BTBD9: variants seen among roughly 807,000 people sequenced by gnomAD.
BTBD9 encodes BTB domain containing 9.
BTBD9 carries 49 observed loss-of-function variants against 64.3 expected under a neutral mutation model. The ratio of observed to expected loss-of-function variants is 0.76; its 90% confidence interval spans 0.61 to 0.97. The LOEUF is 0.97. Ranked by LOEUF, BTBD9 falls within the 50% of genes least tolerant of loss-of-function variation. BTBD9 has a pLI of 0.00. For synonymous variants in BTBD9, 260 were observed against 274.7 expected, an observed-to-expected ratio of 0.95 and a Z score of 0.53; for missense variants, 598 against 762.1, an observed-to-expected ratio of 0.78 and a Z score of 2.53.
At chr6:38,389,999 C>T (rs746846214) in intron 6 of BTBD9, among the ~76,000 whole-genome samples, 8 of 152,186 alleles carry the variant, frequency 5.3e-5, no homozygotes, top group Non-Finnish European at 1.0e-4. Flanking sequence ...TTATAAAATA[C>T]GAGGTTATAG....
intron 6 of BTBD9, among the ~76,000 whole-genome samples, chr6:38,525,875 C>T (rs1029596285): frequency 4.6e-5 from 7 of 152,100 alleles, no homozygotes; most frequent in African/African-American, 1.2e-4. Context: ...AAAAGATTAT[C>T]TGAAACTGGA....
chr6:38,235,162 A>T (rs1384751237), intron 9 of BTBD9, among the ~76,000 whole-genome samples: 1 of 152,182 alleles, frequency 6.6e-6, no homozygotes, highest in Non-Finnish European at 1.5e-5. Context: ...TGGGCTCTTT[A>T]ATTTTGTGGT....
At chr6:38,369,074 T>C (rs918895278) in intron 6 of BTBD9, among the ~76,000 whole-genome samples, 2 of 152,146 alleles carry the variant, frequency 1.3e-5, no homozygotes, top group African/African-American at 4.8e-5. Flanking sequence ...TTGATTCCTT[T>C]CTCCTCACTT....
At chr6:38,222,258 T>C (rs1010004673) in intron 9 of BTBD9, among the ~76,000 whole-genome samples, 2 of 104,948 alleles carry the variant, frequency 1.9e-5, no homozygotes. Flanking sequence ...CATTCAGTTG[T>C]TTTTTTTTTT....
At chr6:38,225,414 A>C (rs1763360360) in intron 9 of BTBD9, among the ~76,000 whole-genome samples, 1 of 152,130 alleles carries the variant, frequency 6.6e-6, no homozygotes, top group Non-Finnish European at 1.5e-5. Context: ...TGAAGACCAA[A>C]AGCTTCCCCA....
intron 6 of BTBD9, among the ~76,000 whole-genome samples, chr6:38,389,024 T>C (rs1045354455): frequency 2.6e-5 from 4 of 152,214 alleles, no homozygotes; most frequent in African/African-American, 9.6e-5. Context: ...CTCTATGTAA[T>C]GTACCAAACT....
intron 8 of BTBD9, among the ~76,000 whole-genome samples, chr6:38,286,100 A>C (rs1475995613): frequency 6.6e-6 from 1 of 152,148 alleles, no homozygotes; most frequent in African/African-American, 2.4e-5. Flanking sequence ...CTCCCTAAGC[A>C]CAAAGTAAGC....
rs368257334 is a variant in BTBD9 at position 38,303,874 on chromosome 6, T to TATAC, written c.1265-15414_1265-15413insGTAT. On this transcript the variant is annotated intron_variant, in intron 7 of 10. Transcript: ENST00000481247. ...ATATATATATATATATATATATATA[T>TATAC]ACACACACACACATGTGTATATATA... 9.4e-3 allele frequency among the ~76,000 whole-genome samples: 776 copies of TATAC among 82,484 alleles called. 7 individuals carry two copies. Among genetic ancestry groups the TATAC allele is most frequent in the Middle Eastern group, 0.035 (5 of 144 alleles). The allele number at this position is 82,484 out of a possible 152,430, so 54.1% of individuals were successfully genotyped here.
chr6:38,245,602 A>G (rs998955867), intron 9 of BTBD9, among the ~76,000 whole-genome samples: 2 of 152,214 alleles, frequency 1.3e-5, no homozygotes, highest in Non-Finnish European at 2.9e-5. Flanking sequence ...TTCAGAGAGC[A>G]GCAGGAAGCA....
At chr6:38,229,886 T>A (rs1330250745) in intron 9 of BTBD9, among the ~76,000 whole-genome samples, 1 of 152,188 alleles carries the variant, frequency 6.6e-6, no homozygotes. Flanking sequence ...TAGCTTTGTC[T>A]CATCCAGAAA....
intron 6 of BTBD9, among the ~76,000 whole-genome samples, chr6:38,564,715 C>T (rs1488739920): frequency 6.6e-6 from 1 of 151,904 alleles, no homozygotes; most frequent in Non-Finnish European, 1.5e-5. Flanking sequence ...GGTGAAACCC[C>T]ATCTCTACTA....
intron 6 of BTBD9, among the ~76,000 whole-genome samples, chr6:38,478,893 T>C (rs917697301): frequency 3.9e-5 from 6 of 152,166 alleles, no homozygotes; most frequent in Non-Finnish European, 8.8e-5. Context: ...AAAACCAGGA[T>C]TATAGCTCCA....
intron 6 of BTBD9, among the ~76,000 whole-genome samples, chr6:38,475,639 A>G (rs767846652): frequency 1.3e-5 from 2 of 152,274 alleles, no homozygotes; most frequent in South Asian, 2.1e-4. Context: ...CAGGAATGTA[A>G]TATTTGTTGA....
intron 6 of BTBD9, among the ~76,000 whole-genome samples, chr6:38,368,017 A>G (rs1331954492): frequency 6.6e-6 from 1 of 152,090 alleles, no homozygotes; most frequent in Non-Finnish European, 1.5e-5. Flanking sequence ...AAAACTACAG[A>G]TTCTTTTTGT....
chr6:38,317,005 A>AT (rs1315882633), intron 7 of BTBD9, among the ~76,000 whole-genome samples: 7 of 148,268 alleles, frequency 4.7e-5, no homozygotes, highest in South Asian at 2.1e-4. Context: ...TTAGTTTTTT[A>AT]TTTTTTTTTT....
At chr6:38,219,284 G>A (rs1015248828) in intron 9 of BTBD9, among the ~76,000 whole-genome samples, 27 of 147,790 alleles carry the variant, frequency 1.8e-4, no homozygotes, top group Non-Finnish European at 2.8e-4. Context: ...ACAGGTGTGC[G>A]CCACCACACC....
chr6:38,354,726 G>A (rs11754246), intron 6 of BTBD9, among the ~76,000 whole-genome samples: 449 of 152,040 alleles, frequency 3.0e-3, no homozygotes, highest in Middle Eastern at 0.02. Flanking sequence ...TGAAAGGATC[G>A]TTAAAGAAAA....
intron 6 of BTBD9, among the ~76,000 whole-genome samples, chr6:38,446,919 A>C (rs905177941): frequency 6.6e-6 from 1 of 152,198 alleles, no homozygotes; most frequent in African/African-American, 2.4e-5. Flanking sequence ...TAGACAAATT[A>C]AACCAGGGCA....
intron 6 of BTBD9, among the ~76,000 whole-genome samples, chr6:38,392,936 A>G (rs1400120227): frequency 1.4e-5 from 2 of 145,152 alleles, no homozygotes; most frequent in Non-Finnish European, 3.0e-5. Flanking sequence ...GTGCAGTGGC[A>G]TGATCTTGGC....
Sources: allele counts gnomAD v4.1 joint callset (sites outside exome capture counted in the v4.1 genomes callset), GRCh38; gene constraint gnomAD v4.1.1; transcripts MANE v1.5; gene names NCBI Gene and HGNC (gene_info 2026-07-23, HGNC 2026-07-21).